WASHC4: variants seen among roughly 807,000 people sequenced by gnomAD.
WASHC4 encodes the protein WASH complex subunit 4.
WASHC4 carries 86 observed loss-of-function variants against 166.6 expected under a neutral mutation model. The observed-to-expected ratio is 0.52, with a 90% CI of 0.43 to 0.62. The LOEUF (loss-of-function observed/expected upper bound fraction) is 0.62. Ranked by LOEUF, WASHC4 falls within the 20% of genes least tolerant of loss-of-function variation. The pLI, the probability that WASHC4 is intolerant of heterozygous loss-of-function variation, is 0.00. For missense variants in WASHC4, 1,262 were observed against 1,382.4 expected (o/e 0.91, Z 1.38); for synonymous variants, 446 against 451.6 (o/e 0.99, Z 0.16).
intron 28 of WASHC4, 112 bp from the exon 29 acceptor site, chr12:105,159,889 C>G (rs751927708): frequency 2.1e-6 from 2 of 962,566 alleles, no homozygotes; most frequent in Non-Finnish European, 3.3e-6. Flanking sequence ...TTAGAAGTGT[C>G]TTACAGTGTT....
Position 105,144,804 on chromosome 12 carries a change from A to G in WASHC4, c.2266A>G (p.Asn756Asp), listed in dbSNP as rs2135802382. ...CTGGGCCACTTATAGTGAGATGAGA[A>G]ACTTAGCTACTCAGCGTTATGGACT... The part of the protein sequence containing the change: ...HDWATYSEMR[N>D]LATQRYGLVM... The change falls in exon 22 of 33, where the codon AAC (asparagine) becomes GAC (aspartate). Residue 756 changes from asparagine (N) to aspartate (D), a missense_variant. Physicochemically the swap from Asn to Asp is conservative, Grantham distance 23 (BLOSUM62 1). Coordinates refer to ENST00000332180, the MANE Select transcript of WASHC4 (RefSeq NM_015275.3). The G allele has an allele frequency of 6.2e-7, 1 of 1,613,330 alleles. No homozygotes were observed.
intron 32 of WASHC4, among the ~76,000 whole-genome samples, chr12:105,165,119 T>C (rs762543920): frequency 6.6e-6 from 1 of 152,188 alleles, no homozygotes; most frequent in Non-Finnish European, 1.5e-5. Context: ...GTTGACTGAA[T>C]GAGATGGGAC....
rs960313998 is a variant in WASHC4 at position 105,167,773 on chromosome 12, G to A, written c.*842G>A. The A allele has an allele frequency of 6.6e-6, 1 of 152,374 alleles. No homozygotes were observed. Among genetic ancestry groups the A allele is most frequent in the African/African-American group, 2.4e-5 (1 of 41,392 alleles). The allele number at this position is 152,374 out of a possible 1,614,324, so 9.4% of individuals were successfully genotyped here. On this transcript the variant is annotated 3_prime_UTR_variant, in exon 33 of 33. Coordinates refer to ENST00000332180, the MANE Select transcript of WASHC4 (RefSeq NM_015275.3). The stretch of plus-strand genomic sequence containing the variant: ...TACATTAGATTGAATTGAAATTTTG[G>A]TGATGGTTTGGGTAGACTTTTTTTT...
chr12:105,156,834 T>A lies in WASHC4; in HGVS notation c.2825+42T>A, dbSNP rs1351200756. On this transcript the variant is annotated intron_variant, in intron 27 of 32. Transcript: ENST00000332180. ...CATTTTTGCCTTGTTTATGCCATTT[T>A]AAAAATTGTGTCCATTAAATATATG... is the stretch of plus-strand genomic sequence containing the variant. 3 of 1,411,128 alleles carry A rather than the reference T, an allele frequency of 2.1e-6. No individual in the cohort carries two copies. The African/African-American group carries it at 4.2e-5, about 20-fold the overall frequency. 87.4% of individuals were successfully genotyped at this position (1,411,128 alleles called of 1,614,324 possible).
chr12:105,140,996 A>G lies in WASHC4; in HGVS notation c.1658A>G (p.Lys553Arg), dbSNP rs760664402. ...AACACTCTAAATGGACCAAGCACAAAGCAACGGCGACTTATTGTTTCTTTG... is the reference window on the plus strand; with the variant it reads ...AACACTCTAAATGGACCAAGCACAAGGCAACGGCGACTTATTGTTTCTTTG... Reference protein sequence around the residue: ...AENTLNGPSTKQRRLIVSLAL... With the variant: ...AENTLNGPSTRQRRLIVSLAL... The change falls in exon 17 of 33, where the codon AAG becomes AGG. Residue 553 changes from lysine to arginine, a missense_variant. Physicochemically the swap from Lys to Arg is conservative, Grantham distance 26. Transcript: ENST00000332180. 3 of 1,614,202 alleles carry G rather than the reference A, an allele frequency of 1.9e-6. No homozygotes were observed. Among genetic ancestry groups the G allele is most frequent in the Middle Eastern group, 1.6e-4 (1 of 6,062 alleles).
chr12:105,137,514 A>G (rs953402034), intron 14 of WASHC4, among the ~76,000 whole-genome samples: 1 of 152,222 alleles, frequency 6.6e-6, no homozygotes, highest in African/African-American at 2.4e-5. Flanking sequence ...GGCAACAGAT[A>G]GGAGTCTTTA....
At chr12:105,147,920 A>C (rs1369608695) in intron 24 of WASHC4, 2 of 981,416 alleles carry the variant, frequency 2.0e-6, no homozygotes, top group Non-Finnish European at 2.4e-6. Flanking sequence ...AAAAAAAAAC[A>C]AACAAAAACG....
intron 15 of WASHC4, among the ~76,000 whole-genome samples, chr12:105,139,766 G>A (rs1463650294): frequency 6.6e-6 from 1 of 151,312 alleles, no homozygotes; most frequent in African/African-American, 2.4e-5. Flanking sequence ...TTAGTCACTT[G>A]TACCTGGTAG....
chr12:105,112,253 A>G (rs1226604542), intron 2 of WASHC4, among the ~76,000 whole-genome samples: 2 of 152,152 alleles, frequency 1.3e-5, no homozygotes, highest in Non-Finnish European at 2.9e-5. Context: ...GTTGCTGAAT[A>G]ATATTCCATT....
rs1238324386 is a variant in WASHC4 at position 105,164,208 on chromosome 12, A to G, written c.3255A>G (p.Arg1085=). The part of the protein sequence containing the change: ...SVREKYLKEI[R]AVAKQQNVQS... ...GAGAGAAATACCTGAAGGAGATAAG[A>G]GCAGTTGCTAAGCAACAGAATGTAC... The change falls in exon 31 of 33, where the codon AGA becomes AGG. Residue 1085 remains arginine, a synonymous_variant. Coordinates refer to ENST00000332180, the MANE Select transcript of WASHC4 (RefSeq NM_015275.3). The G allele has an allele frequency of 2.5e-6, 4 of 1,613,880 alleles. No homozygotes were observed. Among genetic ancestry groups the G allele is most frequent in the Non-Finnish European group, 3.4e-6 (4 of 1,179,854 alleles).
At chr12:105,147,235 T>C in intron 24 of WASHC4, 89 bp downstream of exon 24, 1 of 796,380 alleles carries the variant, frequency 1.3e-6, no homozygotes, top group South Asian at 1.4e-5. Flanking sequence ...GCGGTAAACA[T>C]ACACTACTAG....
intron 14 of WASHC4, among the ~76,000 whole-genome samples, chr12:105,137,099 A>G (rs1279398436): frequency 2.0e-5 from 3 of 152,226 alleles, no homozygotes; most frequent in Non-Finnish European, 1.5e-5. Flanking sequence ...GACCCAAAGA[A>G]TCTCCATCAT....
At chr12:105,121,285 A>T (rs1880717390) in intron 9 of WASHC4, 81 bp downstream of exon 9, 1 of 849,106 alleles carries the variant, frequency 1.2e-6, no homozygotes, top group Non-Finnish European at 1.9e-6. Flanking sequence ...AGATATAAAT[A>T]ATACAGATTT....
Position 105,169,009 on chromosome 12 carries a change from C to T in WASHC4, c.*2078C>T, listed in dbSNP as rs1021594536. On this transcript the variant is annotated 3_prime_UTR_variant, in exon 33 of 33. Coordinates refer to ENST00000332180, the MANE Select transcript of WASHC4 (RefSeq NM_015275.3). ...AGGACTCACCATAACATTGTCAGTTCTAATGAAATTTTGTAAAAGATGGCA... is the reference window on the plus strand; with the variant it reads ...AGGACTCACCATAACATTGTCAGTTTTAATGAAATTTTGTAAAAGATGGCA... 2 of 152,550 alleles carry T rather than the reference C, an allele frequency of 1.3e-5. No individual in the cohort carries two copies. Among genetic ancestry groups the T allele is most frequent in the African/African-American group, 4.8e-5 (2 of 41,432 alleles). 9.4% of individuals were successfully genotyped at this position (152,550 alleles called of 1,614,324 possible). A position where few individuals can be genotyped will look rare whatever the true frequency, so the allele number is the denominator to read the frequency against.
intron 14 of WASHC4, among the ~76,000 whole-genome samples, chr12:105,136,238 C>G (rs1410763428): frequency 6.6e-6 from 1 of 152,122 alleles, no homozygotes; most frequent in Admixed American, 6.6e-5. Flanking sequence ...TATTTCCCTT[C>G]CCTGTGAGAT....
chr12:105,113,987 C>T (rs1362918640), intron 2 of WASHC4, among the ~76,000 whole-genome samples: 1 of 151,904 alleles, frequency 6.6e-6, no homozygotes, highest in East Asian at 1.9e-4. Context: ...AATCAGCCAC[C>T]TTATGCTCCA....
intron 24 of WASHC4, chr12:105,148,949 C>G: frequency 1.0e-6 from 1 of 985,052 alleles, no homozygotes; most frequent in Non-Finnish European, 1.2e-6. Context: ...GAGTCAAGGG[C>G]TTTTTGTTAT....
chr12:105,120,011 A>G (rs1880575162), intron 7 of WASHC4, among the ~76,000 whole-genome samples: 1 of 152,162 alleles, frequency 6.6e-6, no homozygotes, highest in Non-Finnish European at 1.5e-5. Context: ...GCGGGAGGAT[A>G]GCTTGAGCCC....
Position 105,137,917 on chromosome 12 carries a change from T to C in WASHC4, c.1358T>C (p.Ile453Thr), listed in dbSNP as rs773383680. 2.1e-5 allele frequency: 34 copies of C among 1,610,242 alleles called. No homozygotes were observed. The highest frequency in any genetic ancestry group is 3.3e-4 in the Middle Eastern group (2 of 6,078). The change falls in exon 15 of 33, where the codon ATT becomes ACT. Residue 453 changes from isoleucine (I) to threonine (T), a missense_variant. By Grantham distance (89) the Ile-to-Thr change is moderately conservative. Coordinates refer to ENST00000332180, the MANE Select transcript of WASHC4 (RefSeq NM_015275.3). ...TTGTATGCATATAGTATTAGTACCA[T>C]TATTAAAACCACAATGAATCTCTAC... ...GFLYAYSIST[I>T]IKTTMNLYMS...
Sources: gnomAD v4.1 joint callset for allele counts (sites outside exome capture counted in the v4.1 genomes callset) on GRCh38, gnomAD v4.1.1 for gene constraint, MANE v1.5 for transcripts, NCBI Gene and HGNC (gene_info 2026-07-23, HGNC 2026-07-21) for gene names.